The following ADCY10 variants were observed in gnomAD, a reference collection of about 807,000 sequenced individuals.
ADCY10 encodes adenylate cyclase type 10.
A neutral mutation model predicts 183.3 loss-of-function variants in ADCY10; 156 were observed. The ratio of observed to expected loss-of-function variants is 0.85; its 90% CI spans 0.75 to 0.97. ADCY10 has a LOEUF of 0.97. Among genes scored for constraint, ADCY10 ranks in the 50% least tolerant of loss-of-function variants. The pLI, the probability that ADCY10 is intolerant of heterozygous loss-of-function variation, is 0.00. For missense variants in ADCY10, 1,745 were observed against 1,934.3 expected, an observed-to-expected ratio of 0.90 and a Z score of 1.84; for synonymous variants, 645 against 670.0, an observed-to-expected ratio of 0.96 and a Z score of 0.58.
intron 14 of ADCY10, among the ~76,000 whole-genome samples, chr1:167,868,782 T>C (rs1035826618): frequency 9.2e-5 from 14 of 152,166 alleles, no homozygotes; most frequent in Non-Finnish European, 1.9e-4. Context: ...CCTAAAAAAT[T>C]ATACAATACT....
At chr1:167,906,074 A>T (rs1669791036) in intron 1 of ADCY10, among the ~76,000 whole-genome samples, 1 of 152,172 alleles carries the variant, frequency 6.6e-6, no homozygotes, top group Non-Finnish European at 1.5e-5. Context: ...GCAGAGAGGA[A>T]CTTGTTAGTA....
At position 167,880,547 on chromosome 1, in the gene ADCY10, A is replaced by G. The variant is rs1392072168; in HGVS notation, c.1083T>C (p.His361=). The G allele has an allele frequency of 6.2e-7, 1 of 1,614,214 alleles. No homozygotes were observed. Among genetic ancestry groups the G allele is most frequent in the South Asian group, 1.1e-5 (1 of 91,084 alleles). The part of the protein sequence containing the change: ...PGEKVPDELT[H]ALECAMDIFD... ...ATATATCCATAGCACATTCCAGAGCATGAGTGAGCTCGTCAGGTACCTTTT... is the reference window on the plus strand; with the variant it reads ...ATATATCCATAGCACATTCCAGAGCGTGAGTGAGCTCGTCAGGTACCTTTT... The change falls in exon 10 of 33, where the codon CAT becomes CAC. Residue 361 remains histidine, a synonymous_variant. Transcript: ENST00000367851.
intron 26 of ADCY10, among the ~76,000 whole-genome samples, chr1:167,826,348 C>T (rs149286769): frequency 6.6e-6 from 1 of 152,322 alleles, no homozygotes; most frequent in Non-Finnish European, 1.5e-5. Flanking sequence ...ATATAAAGCT[C>T]CTTGTTTATG....
At chr1:167,833,776 G>T (rs1477177288) in intron 24 of ADCY10, among the ~76,000 whole-genome samples, 194 bp downstream of exon 24, 1 of 151,502 alleles carries the variant, frequency 6.6e-6, no homozygotes, top group Non-Finnish European at 1.5e-5. Context: ...TGTAAACCTG[G>T]AAGACAGGGA....
Position 167,837,038 on chromosome 1 carries a change from A to C in ADCY10, c.3077+211T>G, listed in dbSNP as rs765876945. 5.0e-6 allele frequency: 3 copies of C among 596,244 alleles called. No homozygotes were observed. In the South Asian group the frequency reaches 5.3e-5, roughly 11 times the overall value. The allele number at this position is 596,244 out of a possible 1,614,324, so 36.9% of individuals were successfully genotyped here. ...AGACTCCATCTTGAAAAAATAAATA[A>C]ATAAAATAAAATATCTTTAAAAACA... On this transcript the variant is annotated intron_variant, in intron 22 of 32. Coordinates refer to ENST00000367851, the MANE Select transcript of ADCY10 (RefSeq NM_018417.6).
rs1237778588 is a variant in ADCY10, at chr1:167,816,668, A to G, written c.4482+1404T>C. On this transcript the variant is annotated intron_variant, in intron 31 of 32. Transcript: ENST00000367851. ...ACCATGCAAGCAAGAAGACAGTGCC[A>G]TGACCTGTTGACAGGAAAAAAATCC... Among the ~76,000 whole-genome samples the G allele has an allele frequency of 2.6e-5, 4 of 152,236 alleles. No individual in the cohort carries two copies. The East Asian group carries it at 7.7e-4, about 29-fold the overall frequency.
chr1:167,878,055 G>A (rs558880336), intron 12 of ADCY10, among the ~76,000 whole-genome samples: 8 of 152,196 alleles, frequency 5.3e-5, no homozygotes, highest in Non-Finnish European at 1.2e-4. Context: ...AGACTTAGAG[G>A]AGAAATAATA....
chr1:167,828,216 G>T (rs1663457936), intron 26 of ADCY10, among the ~76,000 whole-genome samples: 1 of 152,160 alleles, frequency 6.6e-6, no homozygotes, highest in Non-Finnish European at 1.5e-5. Flanking sequence ...ATATTCAGTG[G>T]AATACAAGTG....
At chr1:167,884,513 A>G (rs1668086048) in intron 8 of ADCY10, among the ~76,000 whole-genome samples, 1 of 152,068 alleles carries the variant, frequency 6.6e-6, no homozygotes, top group African/African-American at 2.4e-5. Context: ...AAACCATATC[A>G]ATGATTAAAT....
chr1:167,847,746 C>T (rs1665149570), intron 19 of ADCY10, among the ~76,000 whole-genome samples: 1 of 152,078 alleles, frequency 6.6e-6, no homozygotes. Context: ...CATATAAACT[C>T]GTTTGTCATT....
chr1:167,844,531 G>A (rs1391696287), intron 21 of ADCY10, among the ~76,000 whole-genome samples: 5 of 152,106 alleles, frequency 3.3e-5, no homozygotes, highest in Non-Finnish European at 2.9e-5. Context: ...GATGAACTTA[G>A]GAATTAGACT....
At position 167,822,004 on chromosome 1, in the gene ADCY10, G is replaced by T; in HGVS notation, c.4286+20C>A. 6.9e-7 allele frequency: 1 copy of T among 1,446,522 alleles called. No individual in the cohort carries two copies. The highest frequency in any genetic ancestry group is 9.7e-7 in the Non-Finnish European group (1 of 1,027,372). 89.6% of individuals were successfully genotyped at this position (1,446,522 alleles called of 1,614,324 possible). Reference sequence around the variant, plus strand: ...AACATTTTCACTTTGGGAATTTAGTGATATGCCACACATTGTTACCAGATA... The same window carrying T: ...AACATTTTCACTTTGGGAATTTAGTTATATGCCACACATTGTTACCAGATA... On this transcript the variant is annotated intron_variant, in intron 30 of 32. Coordinates refer to ENST00000367851, the MANE Select transcript of ADCY10 (RefSeq NM_018417.6).
intron 17 of ADCY10, among the ~76,000 whole-genome samples, chr1:167,855,804 G>A (rs914190843): frequency 2.0e-5 from 3 of 152,078 alleles, no homozygotes; most frequent in African/African-American, 7.2e-5. Flanking sequence ...TTGAGCCCAG[G>A]AGTTCATGAT....
In ADCY10 at chr1:167,870,781, C is replaced by T. The variant is rs1404300257; in HGVS notation, c.1463-371G>A. Among the ~76,000 whole-genome samples, 9 of 151,352 alleles carry T rather than the reference C, an allele frequency of 5.9e-5. No homozygotes were observed. In the East Asian group the frequency reaches 1.2e-3, roughly 19 times the overall value. ...CCGGGATCCTGCCATTGCACTCCAG[C>T]CTGGGCGACAAGCAAAACTCCATCT... On this transcript the variant is annotated intron_variant, in intron 13 of 32. Transcript: ENST00000367851.
rs1422104868 is a variant in ADCY10, at chr1:167,814,479, C to T, written c.4483-3566G>A. On this transcript the variant is annotated intron_variant, in intron 31 of 32. Transcript: ENST00000367851. The stretch of plus-strand genomic sequence containing the variant: ...AAAATAAAAATATAACAATTATAAA[C>T]ATTTATGCATCCAATAAGATCGTCA... 2.6e-5 allele frequency among the ~76,000 whole-genome samples: 4 copies of T among 151,364 alleles called. No homozygotes were observed. In the South Asian group the frequency reaches 6.2e-4, roughly 24 times the overall value.
chr1:167,888,604 C>T (rs1325457344), intron 8 of ADCY10, among the ~76,000 whole-genome samples: 8 of 152,032 alleles, frequency 5.3e-5, no homozygotes, highest in Non-Finnish European at 1.0e-4. Flanking sequence ...GGGCCGGGCG[C>T]GGTGGCTCAC....
In ADCY10 at chr1:167,846,316, A is replaced by G. The variant is rs1014950040; in HGVS notation, c.2438-53T>C. The G allele has an allele frequency of 1.0e-5, 16 of 1,603,918 alleles. No homozygotes were observed. In the Admixed American group the frequency reaches 2.7e-4, roughly 27 times the overall value. Reference sequence around the variant, plus strand: ...AACTAGTTATTTATCTTTATCTAATATGCTGTATTTAATATAGAGCAGGTG... The same window carrying G: ...AACTAGTTATTTATCTTTATCTAATGTGCTGTATTTAATATAGAGCAGGTG... On this transcript the variant is annotated intron_variant, in intron 19 of 32. Coordinates refer to ENST00000367851, the MANE Select transcript of ADCY10 (RefSeq NM_018417.6).
At position 167,846,098 on chromosome 1, in the gene ADCY10, T is replaced by C. The variant is rs769006442; in HGVS notation, c.2603A>G (p.Asn868Ser). Residue 868 changes from asparagine (N) to serine (S), a missense_variant, in exon 20 of 33, where the codon AAC becomes AGC. Transcript: ENST00000367851. ...GCCATTCCGGAAACAATAAAAAATG[T>C]TAGATTCCACTAGGGTTGCCAGGGT... Reference protein sequence around the residue: ...IKTLATLVESNIFYCFRNGKE... With the variant: ...IKTLATLVESSIFYCFRNGKE... The C allele has an allele frequency of 6.2e-7, 1 of 1,614,184 alleles. No individual in the cohort carries two copies. The highest frequency in any genetic ancestry group is 1.1e-5 in the South Asian group (1 of 91,084).
intron 17 of ADCY10, 48 bp downstream of exon 17, chr1:167,856,117 G>A (rs1363021110): frequency 6.2e-7 from 1 of 1,600,628 alleles, no homozygotes; most frequent in Admixed American, 1.7e-5. Context: ...CTAGACCGAG[G>A]GAATGTATGC....
Sources: gnomAD v4.1 joint callset for allele counts (sites outside exome capture counted in the v4.1 genomes callset) on GRCh38, gnomAD v4.1.1 for gene constraint, MANE v1.5 for transcripts, NCBI Gene and HGNC (gene_info 2026-07-23, HGNC 2026-07-21) for gene names.